The following COL5A2 variants were observed in gnomAD, a reference collection of about 807,000 sequenced individuals.
COL5A2 encodes collagen alpha-2(V) chain.
A neutral mutation model predicts 208.2 loss-of-function variants in COL5A2; 23 were observed. The ratio of observed to expected loss-of-function variants is 0.11; its 90% CI spans 0.08 to 0.16. COL5A2 has a LOEUF of 0.16. COL5A2 is among the 10% of genes least tolerant of loss of function. COL5A2 has a pLI of 1.00. For missense variants in COL5A2, 1,590 were observed against 1,956.4 expected (o/e 0.81, Z 3.53); for synonymous variants, 625 against 628.5 (o/e 0.99, Z 0.08).
chr2:189,115,465 G>A (rs1049615657), intron 1 of COL5A2, among the ~76,000 whole-genome samples: 1 of 151,142 alleles, frequency 6.6e-6, no homozygotes, highest in Non-Finnish European at 1.5e-5. Context: ...GGCCAAGAGA[G>A]ACGACTGTAT....
the COL5A2 span, among the ~76,000 whole-genome samples, chr2:189,332,298 G>A: frequency 3.7e-4 from 57 of 152,126 alleles, no homozygotes; most frequent in Middle Eastern, 0.01. Flanking sequence ...TGACCTACTC[G>A]GCATTAATAG....
chr2:189,107,423 T>C lies in COL5A2; in HGVS notation c.322+2802A>G, dbSNP rs375096265. The stretch of plus-strand genomic sequence containing the variant: ...TACTTTCATTAGGTAATTTTTTCTT[T>C]ATCATTTTTTGCTTTAGGTTAGATC... On this transcript the variant is annotated intron_variant, in intron 2 of 53. Transcript: ENST00000374866. 7.3e-5 allele frequency among the ~76,000 whole-genome samples: 11 copies of C among 151,710 alleles called. No homozygotes were observed. In the South Asian group the frequency reaches 2.3e-3, roughly 31 times the overall value.
the COL5A2 span, among the ~76,000 whole-genome samples, chr2:189,431,111 G>C: frequency 1.3e-5 from 2 of 152,156 alleles, no homozygotes; most frequent in Non-Finnish European, 2.9e-5. Flanking sequence ...GTACCTATTA[G>C]AAGGAAAACT....
At chr2:189,052,371 C>G (rs777493469) in intron 40 of COL5A2, 146 bp from the exon 41 acceptor site, 4 of 785,370 alleles carry the variant, frequency 5.1e-6, no homozygotes, top group Non-Finnish European at 8.5e-6. Context: ...TCGTACGAAT[C>G]CCATATTTTG....
At chr2:189,184,498 G>T (rs781541392), upstream of COL5A2, among the ~76,000 whole-genome samples, 1 of 152,146 alleles carries the variant, frequency 6.6e-6, no homozygotes, top group Non-Finnish European at 1.5e-5. Context: ...CCTTTTTGGG[G>T]TGCTTGGGGA....
chr2:189,117,092 GA>G (rs2105727403), intron 1 of COL5A2, among the ~76,000 whole-genome samples: 1 of 124,080 alleles, frequency 8.1e-6, no homozygotes, highest in South Asian at 3.3e-4. Flanking sequence ...AAATAGAAAG[GA>G]AAAACTCTCA....
At chr2:189,358,354 T>G in the COL5A2 span, among the ~76,000 whole-genome samples, 1 of 152,290 alleles carries the variant, frequency 6.6e-6, no homozygotes, top group South Asian at 2.1e-4. Flanking sequence ...AACAAAACAT[T>G]TATTTTGCAG....
At chr2:189,321,258 C>A in the COL5A2 span, among the ~76,000 whole-genome samples, 1 of 152,174 alleles carries the variant, frequency 6.6e-6, no homozygotes, top group African/African-American at 2.4e-5. Context: ...ACTGCATCAA[C>A]TAACGAGTAA....
At chr2:189,290,754 A>ACACACACG in the COL5A2 span, among the ~76,000 whole-genome samples, 2 of 151,496 alleles carry the variant, frequency 1.3e-5, no homozygotes, top group Non-Finnish European at 2.9e-5. Flanking sequence ...ACACACACAC[A>ACACACACG]CATTATTATA....
At chr2:189,290,112 G>A in the COL5A2 span, among the ~76,000 whole-genome samples, 1 of 152,086 alleles carries the variant, frequency 6.6e-6, no homozygotes, top group East Asian at 1.9e-4. Flanking sequence ...AAACAGCATG[G>A]TACTGGCATA....
At chr2:189,047,794 G>T (rs1280773288) in intron 45 of COL5A2, among the ~76,000 whole-genome samples, 1 of 152,120 alleles carries the variant, frequency 6.6e-6, no homozygotes, top group African/African-American at 2.4e-5. Context: ...ACACATCATG[G>T]AATATACAGT....
At chr2:189,359,364 G>T in the COL5A2 span, among the ~76,000 whole-genome samples, 2 of 152,178 alleles carry the variant, frequency 1.3e-5, no homozygotes, top group South Asian at 4.1e-4. Flanking sequence ...CGTTAGTATG[G>T]TGTATCACAT....
the COL5A2 span, among the ~76,000 whole-genome samples, chr2:189,256,516 C>G: frequency 6.6e-6 from 1 of 152,312 alleles, no homozygotes; most frequent in South Asian, 2.1e-4. Context: ...CCTTGGAGAT[C>G]TGTTCTCCTC....
At chr2:189,367,193 A>T in the COL5A2 span, among the ~76,000 whole-genome samples, 3 of 152,120 alleles carry the variant, frequency 2.0e-5, no homozygotes, top group Non-Finnish European at 4.4e-5. Context: ...CCCATACCCT[A>T]GGAGTATATC....
the COL5A2 span, among the ~76,000 whole-genome samples, chr2:189,363,289 C>T: frequency 6.6e-6 from 1 of 151,972 alleles, no homozygotes; most frequent in South Asian, 2.1e-4. Flanking sequence ...ATAATACTTG[C>T]CAAATGTTTT....
the COL5A2 span, among the ~76,000 whole-genome samples, chr2:189,303,825 T>C: frequency 6.6e-6 from 1 of 152,202 alleles, no homozygotes; most frequent in Admixed American, 6.5e-5. Context: ...ACCTTTTTTG[T>C]CCACAAATCT....
intron 3 of COL5A2, among the ~76,000 whole-genome samples, chr2:189,100,497 A>G (rs1302486875): frequency 1.3e-5 from 2 of 152,004 alleles, no homozygotes; most frequent in Non-Finnish European, 2.9e-5. Context: ...CTGAAAACAC[A>G]AAAAGAGCCA....
At position 189,188,095 on chromosome 2, in the gene COL5A2, T is replaced by C. The variant is rs553195464; in HGVS notation, c.-42+37053A>G. ...ATTCTGCTGTGTTTTTCTTCTTTTATATTATGTTTATTGAGATGTGGTTTA... is the reference window on the plus strand; with the variant it reads ...ATTCTGCTGTGTTTTTCTTCTTTTACATTATGTTTATTGAGATGTGGTTTA... On this transcript the variant is annotated intron_variant, in intron 1 of 10. Coordinates refer to the COL5A2 transcript ENST00000649966. 3.9e-5 allele frequency among the ~76,000 whole-genome samples: 6 copies of C among 152,360 alleles called. No individual in the cohort carries two copies. The East Asian group carries it at 5.8e-4, about 15-fold the overall frequency.
the COL5A2 span, among the ~76,000 whole-genome samples, chr2:189,427,329 T>C: frequency 2.6e-5 from 4 of 151,780 alleles, no homozygotes; most frequent in East Asian, 3.9e-4. Context: ...AGTCCAAGAG[T>C]TGAGGCTTGG....
Sources: allele counts gnomAD v4.1 joint callset (sites outside exome capture counted in the v4.1 genomes callset), GRCh38; gene constraint gnomAD v4.1.1; transcripts MANE v1.5; gene names NCBI Gene and HGNC (gene_info 2026-07-23, HGNC 2026-07-21).